The following ABCA3 variants were observed in gnomAD, a reference collection of about 807,000 sequenced individuals.
ABCA3 encodes the protein phospholipid-transporting ATPase ABCA3.
A neutral mutation model predicts 172.8 loss-of-function variants in ABCA3; 88 were observed. The ratio of observed to expected loss-of-function variants is 0.51; its 90% confidence interval spans 0.43 to 0.61. ABCA3 has a LOEUF of 0.61. ABCA3 is among the 20% of genes least tolerant of loss of function. The pLI is 0.00. For synonymous variants in ABCA3, 1,066 were observed against 983.8 expected, an observed-to-expected ratio of 1.08 and a Z score of -1.56; for missense variants, 2,164 against 2,301.0, an observed-to-expected ratio of 0.94 and a Z score of 1.22.
intron 11 of ABCA3, among the ~76,000 whole-genome samples, chr16:2,305,583 C>A (rs1374286882): frequency 6.6e-6 from 1 of 152,214 alleles, no homozygotes; most frequent in Non-Finnish European, 1.5e-5. Context: ...GCGTGAGCCA[C>A]CGCGCCCCGC....
intron 12 of ABCA3, among the ~76,000 whole-genome samples, chr16:2,303,258 TTCTC>T (rs1325433927): frequency 7.9e-5 from 12 of 151,812 alleles, no homozygotes; most frequent in South Asian, 4.2e-4. Context: ...CGAACTTTTT[TTCTC>T]TCTTTTTTTT....
chr16:2,276,900 C>T, intron 32 of ABCA3, 95 bp from the exon 33 acceptor site: 1 of 1,534,392 alleles, frequency 6.5e-7, no homozygotes, highest in East Asian at 2.3e-5. Flanking sequence ...CTGATGAGGC[C>T]CCCACAATCC....
intron 18 of ABCA3, among the ~76,000 whole-genome samples, chr16:2,293,049 CT>C (rs890963654): frequency 9.9e-5 from 15 of 151,444 alleles, no homozygotes; most frequent in Admixed American, 2.0e-4. Flanking sequence ...CTTGAAATAC[CT>C]TTTTTTTTCT....
chr16:2,319,214 G>A (rs989062729), intron 8 of ABCA3, among the ~76,000 whole-genome samples: 27 of 151,914 alleles, frequency 1.8e-4, no homozygotes, highest in African/African-American at 3.9e-4. Context: ...GGCCGGGCAC[G>A]GTGGCTCACG....
intron 9 of ABCA3, 101 bp from the exon 10 acceptor site, chr16:2,317,504 G>A (rs1255637726): frequency 1.9e-6 from 3 of 1,595,042 alleles, no homozygotes; most frequent in East Asian, 4.5e-5. Flanking sequence ...CCACCGAGAG[G>A]AGTGGGACAT....
chr16:2,319,224 G>A (rs981104010), intron 8 of ABCA3, among the ~76,000 whole-genome samples: 84 of 152,196 alleles, frequency 5.5e-4, no homozygotes, highest in African/African-American at 1.3e-3. Flanking sequence ...GGTGGCTCAC[G>A]CCTGTAATCC....
Position 2,283,294 on chromosome 16 carries a change from G to A in ABCA3, c.3927C>T (p.Ser1309=), listed in dbSNP as rs886051812. 2.5e-6 allele frequency: 4 copies of A among 1,613,320 alleles called. No individual in the cohort carries two copies. Among genetic ancestry groups the A allele is most frequent in the Non-Finnish European group, 3.4e-6 (4 of 1,180,006 alleles). ...GGTAGGCGCACCCTGAGGCGGCCAT[G>A]GAGGCCACAAACCGGCCGACCCCCG... ...SAPGVGRFVA[S]MAASGCAYLI... is the part of the protein sequence containing the mutation. The change falls in exon 26 of 33, where the codon TCC becomes TCT. Residue 1309 remains serine (S), a synonymous_variant. Coordinates refer to ENST00000301732, the MANE Select transcript of ABCA3 (RefSeq NM_001089.3). The surrounding 1 kb of genome is among the most constrained non-coding windows in gnomAD (Gnocchi z 5.4).
intron 17 of ABCA3, among the ~76,000 whole-genome samples, chr16:2,296,002 TC>T (rs913113413): frequency 9.9e-5 from 15 of 151,804 alleles, no homozygotes; most frequent in Non-Finnish European, 2.1e-4. Flanking sequence ...AGGTGGGGTC[TC>T]CCCCCAGCTA....
At position 2,308,554 on chromosome 16, in the gene ABCA3, G is replaced by C; in HGVS notation, c.1181C>G (p.Pro394Arg). ...GCTCAGAGTCATCCAGTTGTACCGA[G>C]GGGCCACGAAGAAGTAGGGGATGTA... is the stretch of plus-strand genomic sequence containing the variant. The part of the protein sequence containing the change: ...FTYIPYFFVA[P>R]RYNWMTLSQK... Residue 394 changes from proline (P) to arginine (R), a missense_variant, in exon 11 of 33, where the codon CCT becomes CGT. Transcript: ENST00000301732. 2.5e-6 allele frequency: 4 copies of C among 1,614,194 alleles called. No homozygotes were observed. The highest frequency in any genetic ancestry group is 3.4e-6 in the Non-Finnish European group (4 of 1,180,004).
At position 2,324,382 on chromosome 16, in the gene ABCA3, T is replaced by A. The variant is rs770040793; in HGVS notation, c.447+22A>T. On this transcript the variant is annotated intron_variant, in intron 6 of 32. Transcript: ENST00000301732. ...GGCCTTGCTGATGGGCTGTGACTGC[T>A]CGGCCCGGCCGCACGTCTCACCGCC... 2.7e-5 allele frequency: 43 copies of A among 1,573,664 alleles called. 1 individual carries two copies. In the South Asian group the frequency reaches 4.7e-4, roughly 17 times the overall value.
At position 2,286,983 on chromosome 16, in the gene ABCA3, A is replaced by C; in HGVS notation, c.3005-16T>G. ...TCCAGGTCACCTGGGGAGCAATGGC[A>C]GAGTCAGGGGACACAGGAAGAGGTG... On this transcript the variant is annotated splice_polypyrimidine_tract_variant and intron_variant, in intron 21 of 32. Transcript: ENST00000301732. This position sits in a 1 kb window ranked among gnomAD's most constrained non-coding sequence, Gnocchi z 5.2. 1.2e-6 allele frequency: 2 copies of C among 1,610,564 alleles called. No individual in the cohort carries two copies. The highest frequency in any genetic ancestry group is 1.7e-6 in the Non-Finnish European group (2 of 1,178,834).
chr16:2,295,344 G>C (rs1388870678), intron 18 of ABCA3, among the ~76,000 whole-genome samples: 1 of 152,226 alleles, frequency 6.6e-6, no homozygotes. Flanking sequence ...CACCCTTTTG[G>C]TGAGTCAGAT....
At chr16:2,289,411 CG>C in intron 20 of ABCA3, 22 bp downstream of exon 20, 2 of 1,561,778 alleles carry the variant, frequency 1.3e-6, no homozygotes, top group Non-Finnish European at 1.7e-6. Context: ...CCCCGCCACC[CG>C]CCCACCCACC....
At chr16:2,304,249 A>G in intron 11 of ABCA3, 99 bp from the exon 12 acceptor site, 1 of 1,277,986 alleles carries the variant, frequency 7.8e-7, no homozygotes, top group East Asian at 2.3e-5. Flanking sequence ...TTGACCTTGC[A>G]TGGCCACTGC....
At chr16:2,305,450 C>T (rs1398190751) in intron 11 of ABCA3, among the ~76,000 whole-genome samples, 1 of 152,162 alleles carries the variant, frequency 6.6e-6, no homozygotes, top group Non-Finnish European at 1.5e-5. Flanking sequence ...GTGTGCGCCA[C>T]CATGCCCAGC....
Position 2,283,204 on chromosome 16 carries a change from G to C in ABCA3, c.4017C>G (p.Leu1339=), listed in dbSNP as rs1158347011. 6.2e-7 allele frequency: 1 copy of C among 1,613,262 alleles called. No individual in the cohort carries two copies. The highest frequency in any genetic ancestry group is 1.7e-5 in the Admixed American group (1 of 60,018). ...CACTCACCAGTGTCCGCCTCCTCCG[G>C]AGGGCGCAGAGGATGCCCCTGAGTC... ...LQRLRGILCA[L]RRRRTLTELY... Residue 1339 remains leucine (L), a synonymous_variant, in exon 26 of 33, where the codon CTC becomes CTG. Coordinates refer to ENST00000301732, the MANE Select transcript of ABCA3 (RefSeq NM_001089.3). The surrounding 1 kb of genome is among the most constrained non-coding windows in gnomAD (Gnocchi z 5.4).
rs1042874491 is a variant in ABCA3 at position 2,279,209 on chromosome 16, T to C, written c.4360-79A>G. 4 of 1,526,588 alleles carry C rather than the reference T, an allele frequency of 2.6e-6. No homozygotes were observed. The highest frequency in any genetic ancestry group is 8.9e-7 in the Non-Finnish European group (1 of 1,122,850). 94.6% of individuals were successfully genotyped at this position (1,526,588 alleles called of 1,614,324 possible). A position where few individuals can be genotyped will look rare whatever the true frequency, so the allele number is the denominator to read the frequency against. On this transcript the variant is annotated intron_variant, in intron 28 of 32. Transcript: ENST00000301732. The surrounding 1 kb of genome is among the most constrained non-coding windows in gnomAD (Gnocchi z 4.4). ...CTCCAGAGGACCACGGGGACTACCCTTGAGGTGCCCACCACTGCGCCTGTC... is the reference window on the plus strand; with the variant it reads ...CTCCAGAGGACCACGGGGACTACCCCTGAGGTGCCCACCACTGCGCCTGTC...
In ABCA3 at chr16:2,277,910, C is replaced by G. The variant is rs1448602772; in HGVS notation, c.4878G>C (p.Glu1626Asp). Residue 1626 changes from glutamate (E) to aspartate (D), a missense_variant, in exon 31 of 33, where the codon GAG (glutamate) becomes GAC (aspartate). By Grantham distance (45) the Glu-to-Asp change is conservative (BLOSUM62 2). This residue lies in a region of ABCA3 where 795 missense variants were observed against 881.9 expected (regional missense o/e 0.90). Transcript: ENST00000301732. This position sits in a 1 kb window ranked among gnomAD's most constrained non-coding sequence, Gnocchi z 5.3. ...QSEGQQEALE[E>D]FKAFVDLTFP... ...AGGTCAGGTCCACGAAGGCCTTGAA[C>G]TCCTCCAGCGCCTCCTGTTGCCCTT... 3 of 1,610,488 alleles carry G rather than the reference C, an allele frequency of 1.9e-6. No homozygotes were observed. The highest frequency in any genetic ancestry group is 2.5e-6 in the Non-Finnish European group (3 of 1,179,930).
Position 2,281,228 on chromosome 16 carries a change from G to A in ABCA3, c.4165-7C>T, listed in dbSNP as rs1383979672. ...GCACCCGCTGCTCGTACACCTGCAG[G>A]CACCCAACAGAAAACACGGAATGCG... is the stretch of plus-strand genomic sequence containing the variant. On this transcript the variant is annotated splice_region_variant and splice_polypyrimidine_tract_variant and intron_variant, in intron 27 of 32. Transcript: ENST00000301732. This position sits in a 1 kb window ranked among gnomAD's most constrained non-coding sequence, Gnocchi z 4.7. The A allele has an allele frequency of 1.9e-6, 3 of 1,613,290 alleles. No individual in the cohort carries two copies. Among genetic ancestry groups the A allele is most frequent in the Middle Eastern group, 3.3e-4 (2 of 6,084 alleles).
Sources: gnomAD v4.1 joint callset for allele counts (sites outside exome capture counted in the v4.1 genomes callset) on GRCh38, gnomAD v4.1.1 for gene constraint, gnomAD v4.1.1 regional missense constraint, Gnocchi (gnomAD v3.1) non-coding constraint, MANE v1.5 for transcripts, NCBI Gene and HGNC (gene_info 2026-07-23, HGNC 2026-07-21) for gene names.